Variants in EPB41L5 observed in about 807,000 individuals in gnomAD.
EPB41L5 encodes band 4.1-like protein 5.
EPB41L5 carries 55 observed loss-of-function variants against 106.6 expected under a neutral mutation model. The ratio of observed to expected loss-of-function variants is 0.52; its 90% CI spans 0.42 to 0.65. The LOEUF (loss-of-function observed/expected upper bound fraction) is 0.65. Among genes scored for constraint, EPB41L5 ranks in the 30% least tolerant of loss-of-function variants. EPB41L5 has a pLI of 0.00. For missense variants in EPB41L5, 871 were observed against 882.1 expected (o/e 0.99, Z 0.16); for synonymous variants, 297 against 306.7 (o/e 0.97, Z 0.33).
At chr2:120,044,347 A>C (rs1679626729) in intron 3 of EPB41L5, among the ~76,000 whole-genome samples, 1 of 152,196 alleles carries the variant, frequency 6.6e-6, no homozygotes, top group Non-Finnish European at 1.5e-5. Context: ...TCTGTCCAGC[A>C]GGTAGTAGGC....
At chr2:120,161,009 A>G (rs12617570) in intron 21 of EPB41L5, 35 bp downstream of exon 21, 1 of 1,534,276 alleles carries the variant, frequency 6.5e-7, no homozygotes, top group South Asian at 1.1e-5. Flanking sequence ...ATTTTTGCCA[A>G]AGACAGTTTT....
At position 120,077,024 on chromosome 2, in the gene EPB41L5, T is replaced by C. The variant is rs1389933975; in HGVS notation, c.559T>C (p.Phe187Leu). 1 of 1,612,962 alleles carries C rather than the reference T, an allele frequency of 6.2e-7. No individual in the cohort carries two copies. Among genetic ancestry groups the C allele is most frequent in the African/African-American group, 1.3e-5 (1 of 74,864 alleles). The change falls in exon 8 of 25, where the codon TTC (phenylalanine) becomes CTC (leucine). Residue 187 changes from phenylalanine (F) to leucine (L), a missense_variant. Transcript: ENST00000263713. ...AEHSPELVSE[F>L]RFVPIQTEEM... ...GCATAGTCCTGAACTTGTCTCAGAG[T>C]TCAGATTCGTGCCTATTCAGACTGA... is the stretch of plus-strand genomic sequence containing the variant.
intron 3 of EPB41L5, among the ~76,000 whole-genome samples, chr2:120,048,717 T>C (rs1680003676): frequency 6.6e-6 from 1 of 152,206 alleles, no homozygotes; most frequent in Non-Finnish European, 1.5e-5. Context: ...TTGCTCTTGC[T>C]TCTCTAGTTC....
chr2:120,166,531 G>A (rs776301991), intron 22 of EPB41L5, among the ~76,000 whole-genome samples: 7 of 151,062 alleles, frequency 4.6e-5, no homozygotes, highest in Admixed American at 2.6e-4. Flanking sequence ...TGCAACCTCC[G>A]CCTCCAAGCG....
intron 24 of EPB41L5, among the ~76,000 whole-genome samples, chr2:120,171,850 A>ACAG (rs1157270958): frequency 6.6e-6 from 1 of 152,198 alleles, no homozygotes; most frequent in Non-Finnish European, 1.5e-5. Flanking sequence ...AAAGACCAGA[A>ACAG]CAGGTAAACT....
intron 1 of EPB41L5, among the ~76,000 whole-genome samples, chr2:120,018,169 A>G (rs963369972): frequency 5.3e-4 from 80 of 151,494 alleles, no homozygotes; most frequent in African/African-American, 1.6e-3. Context: ...GGGTTTCACC[A>G]TGTTAGCCAG....
intron 20 of EPB41L5, among the ~76,000 whole-genome samples, chr2:120,155,857 T>G (rs549184545): frequency 3.0e-3 from 448 of 151,754 alleles, no homozygotes; most frequent in Non-Finnish European, 5.7e-3. Context: ...TTCCACACAC[T>G]GGGGCTTGCT....
intron 7 of EPB41L5, among the ~76,000 whole-genome samples, chr2:120,076,376 T>C (rs184723906): frequency 3.8e-4 from 58 of 151,956 alleles, no homozygotes; most frequent in Admixed American, 1.7e-3. Context: ...GTTGCATGAT[T>C]GTAGCTCTCT....
At chr2:120,048,021 A>T (rs1231654744) in intron 3 of EPB41L5, among the ~76,000 whole-genome samples, 2 of 152,190 alleles carry the variant, frequency 1.3e-5, no homozygotes, top group Non-Finnish European at 2.9e-5. Flanking sequence ...CCACTTGATC[A>T]TGGTGGATAA....
chr2:120,049,860 T>C (rs1475042246), intron 3 of EPB41L5, among the ~76,000 whole-genome samples: 2 of 152,208 alleles, frequency 1.3e-5, no homozygotes, highest in Non-Finnish European at 2.9e-5. Context: ...GCATGCCTCG[T>C]GGTGACAAAA....
chr2:120,168,402 AG>A (rs1687513762), intron 24 of EPB41L5, among the ~76,000 whole-genome samples: 1 of 152,196 alleles, frequency 6.6e-6, no homozygotes, highest in Non-Finnish European at 1.5e-5. Flanking sequence ...GGATACTCCT[AG>A]GGTGAGAGCC....
At chr2:120,034,927 C>T (rs1678947440) in intron 2 of EPB41L5, among the ~76,000 whole-genome samples, 1 of 152,124 alleles carries the variant, frequency 6.6e-6, no homozygotes, top group African/African-American at 2.4e-5. Context: ...TGTTTAAAAC[C>T]AGTAGTTTTC....
intron 16 of EPB41L5, among the ~76,000 whole-genome samples, chr2:120,124,801 T>C (rs1371910224): frequency 6.6e-6 from 1 of 152,174 alleles, no homozygotes; most frequent in Admixed American, 6.5e-5. Flanking sequence ...GTTTGACTTT[T>C]TTTTAAAGGA....
chr2:120,073,105 T>C (rs1041856717), intron 3 of EPB41L5, 73 bp from the exon 4 acceptor site: 104 of 1,348,690 alleles, frequency 7.7e-5, no homozygotes, highest in Non-Finnish European at 1.1e-4. Flanking sequence ...CAATGAAAAG[T>C]AACTTTTAGT....
At chr2:120,031,808 T>C (rs576043913) in intron 2 of EPB41L5, among the ~76,000 whole-genome samples, 2 of 152,192 alleles carry the variant, frequency 1.3e-5, no homozygotes, top group East Asian at 3.9e-4. Context: ...AAGGCAACAC[T>C]GATATACTGA....
chr2:120,075,947 G>A (rs968082958), intron 7 of EPB41L5, among the ~76,000 whole-genome samples, 194 bp downstream of exon 7: 3 of 151,986 alleles, frequency 2.0e-5, no homozygotes, highest in Non-Finnish European at 2.9e-5. Flanking sequence ...ATGTAATTGC[G>A]CCCTTTCCAC....
In EPB41L5 at chr2:120,075,696, C is replaced by T. The variant is rs767901468; in HGVS notation, c.453-5C>T. 19 of 1,612,598 alleles carry T rather than the reference C, an allele frequency of 1.2e-5. No homozygotes were observed. Among genetic ancestry groups the T allele is most frequent in the Non-Finnish European group, 1.0e-5 (12 of 1,178,916 alleles). On this transcript the variant is annotated splice_region_variant and splice_polypyrimidine_tract_variant and intron_variant, in intron 6 of 24. Coordinates refer to ENST00000263713, the MANE Select transcript of EPB41L5 (RefSeq NM_020909.4). Reference sequence around the variant, plus strand: ...TTGTCTAACAAACTTGTGTTTTGGTCTCAGATTAGACTGTCCCTTTGATAC... The same window carrying T: ...TTGTCTAACAAACTTGTGTTTTGGTTTCAGATTAGACTGTCCCTTTGATAC...
intron 3 of EPB41L5, among the ~76,000 whole-genome samples, chr2:120,043,847 A>G (rs1243884817): frequency 6.6e-6 from 1 of 152,112 alleles, no homozygotes; most frequent in East Asian, 1.9e-4. Flanking sequence ...GAATTTTTCT[A>G]TTTTTTAAAA....
Position 120,100,747 on chromosome 2 carries a change from G to A in EPB41L5, c.1270G>A (p.Ala424Thr). 6.2e-7 allele frequency: 1 copy of A among 1,613,826 alleles called. No individual in the cohort carries two copies. The highest frequency in any genetic ancestry group is 1.1e-5 in the South Asian group (1 of 91,060). Residue 424 changes from alanine to threonine, a missense_variant, in exon 16 of 25, where the codon GCT (alanine) becomes ACT (threonine). Transcript: ENST00000263713. Reference sequence around the variant, plus strand: ...GCCTGTGAGTCCTTCCATTTCCTCTGCTCCTGTGCCAGTGGAGATAGAGAA... The same window carrying A: ...GCCTGTGAGTCCTTCCATTTCCTCTACTCCTGTGCCAGTGGAGATAGAGAA... ...ALPVSPSISS[A>T]PVPVEIENLP...
Sources: gnomAD v4.1 joint callset for allele counts (sites outside exome capture counted in the v4.1 genomes callset) on GRCh38, gnomAD v4.1.1 for gene constraint, MANE v1.5 for transcripts, NCBI Gene and HGNC (gene_info 2026-07-23, HGNC 2026-07-21) for gene names.